Variants in KIAA1671 observed in about 807,000 individuals in gnomAD.
KIAA1671 encodes uncharacterized protein KIAA1671.
In KIAA1671, 52 loss-of-function variants were observed where a neutral mutation model predicts 131.2. The ratio of observed to expected loss-of-function variants is 0.40; its 90% CI spans 0.32 to 0.50. The LOEUF (loss-of-function observed/expected upper bound fraction) is 0.50. Ranked by LOEUF, KIAA1671 falls within the 20% of genes least tolerant of loss-of-function variation. The probability of loss-of-function intolerance (pLI) is 0.73; values close to 1 mark genes in which losing one functional copy is unlikely to be tolerated. For missense variants in KIAA1671, 2,360 were observed against 2,364.2 expected, an observed-to-expected ratio of 1.00 and a Z score of 0.04; for synonymous variants, 1,003 against 961.6, an observed-to-expected ratio of 1.04 and a Z score of -0.80.
chr22:25,024,372 C>G (rs936303303), intron 1 of KIAA1671: 1 of 152,280 alleles, frequency 6.6e-6, no homozygotes, highest in Non-Finnish European at 1.5e-5. Flanking sequence ...GTGGATGTAG[C>G]AGGTGCCTGC....
At chr22:25,071,035 G>A (rs538189659) in intron 6 of KIAA1671, among the ~76,000 whole-genome samples, 6 of 152,178 alleles carry the variant, frequency 3.9e-5, no homozygotes, top group Non-Finnish European at 7.3e-5. Context: ...CTTTGACTTC[G>A]CAACTGGTCT....
rs146974870 is a variant in KIAA1671, at chr22:24,980,756, T to A, written c.-208+27984T>A. Among the ~76,000 whole-genome samples, 570 of 152,140 alleles carry A rather than the reference T, an allele frequency of 3.7e-3. 13 individuals are homozygous for A. Among genetic ancestry groups the A allele is most frequent in the East Asian group, 0.036 (188 of 5,176 alleles). On this transcript the variant is annotated intron_variant, in intron 1 of 12. Coordinates refer to ENST00000358431, the MANE Select transcript of KIAA1671 (RefSeq NM_001145206.2). Reference sequence around the variant, plus strand: ...AACACTTGTTGTTATTATTATTTTTTTTTTTTTGAGATGGAGTCTTGCTCT... The same window carrying A: ...AACACTTGTTGTTATTATTATTTTTATTTTTTTGAGATGGAGTCTTGCTCT...
At chr22:25,147,980 C>A (rs1932916028) in intron 6 of KIAA1671, among the ~76,000 whole-genome samples, 1 of 119,520 alleles carries the variant, frequency 8.4e-6, no homozygotes, top group Admixed American at 7.5e-5. Flanking sequence ...CTCCCTTCCC[C>A]TCCCTCCCTC....
intron 6 of KIAA1671, chr22:25,112,352 C>A: frequency 2.5e-6 from 1 of 399,090 alleles, no homozygotes. Context: ...TTCCTCCTTC[C>A]GACACCTGGC....
At chr22:25,151,827 C>T (rs1013718182) in intron 6 of KIAA1671, among the ~76,000 whole-genome samples, 3 of 151,888 alleles carry the variant, frequency 2.0e-5, no homozygotes, top group African/African-American at 7.3e-5. Context: ...CAGCCTCTGC[C>T]TTTCAGGTTC....
intron 5 of KIAA1671, among the ~76,000 whole-genome samples, chr22:25,041,939 T>C (rs1195482630): frequency 6.6e-6 from 1 of 151,974 alleles, no homozygotes; most frequent in African/African-American, 2.4e-5. Flanking sequence ...AGACAGGGTT[T>C]TGCCATGTTG....
rs182729092 is a variant in KIAA1671 at position 24,967,819 on chromosome 22, T to C, written c.-208+15047T>C. Among the ~76,000 whole-genome samples the C allele has an allele frequency of 8.5e-3, 1,297 of 152,196 alleles. 20 individuals carry two copies. Among genetic ancestry groups the C allele is most frequent in the African/African-American group, 0.022 (901 of 41,566 alleles). On this transcript the variant is annotated intron_variant, in intron 1 of 12. Transcript: ENST00000358431. Reference sequence around the variant, plus strand: ...CATCCTGGCTAACACGGTGAAACCCTGTCTCTACTAAAAAATACAAAAATT... The same window carrying C: ...CATCCTGGCTAACACGGTGAAACCCCGTCTCTACTAAAAAATACAAAAATT...
chr22:24,973,389 GTTTTTTTTTTTTTT>G (rs57519039), intron 1 of KIAA1671, among the ~76,000 whole-genome samples: 2 of 71,648 alleles, frequency 2.8e-5, no homozygotes, highest in African/African-American at 1.1e-4. Context: ...GCATATGATG[GTTTTTTTTTTTTTT>G]TTTTTTTTTT....
intron 10 of KIAA1671, among the ~76,000 whole-genome samples, chr22:25,182,348 C>CTTTT (rs1934322398): frequency 1.3e-5 from 1 of 76,064 alleles, no homozygotes; most frequent in African/African-American, 3.8e-5. Flanking sequence ...TTCCTCCCTC[C>CTTTT]CTTTCTCTTC....
rs758677858 is a variant in KIAA1671, at chr22:25,177,598, A to G, written c.5074+76A>G. On this transcript the variant is annotated intron_variant, in intron 9 of 12. Coordinates refer to ENST00000358431, the MANE Select transcript of KIAA1671 (RefSeq NM_001145206.2). ...GATTTAGACTAAGCCCTATGAAAAA[A>G]TTCCTGACTTGGAAGGCTGTAGATC... The G allele has an allele frequency of 2.2e-6, 3 of 1,335,910 alleles. No individual in the cohort carries two copies. In the African/African-American group the frequency reaches 4.4e-5, roughly 20 times the overall value. The allele number at this position is 1,335,910 out of a possible 1,614,324, so 82.8% of individuals were successfully genotyped here.
At chr22:25,091,082 G>T (rs556963621) in intron 6 of KIAA1671, among the ~76,000 whole-genome samples, 1 of 152,070 alleles carries the variant, frequency 6.6e-6, no homozygotes, top group African/African-American at 2.4e-5. Context: ...TTTTGAGATG[G>T]AGTCTTGCTC....
chr22:25,034,133 C>T lies in KIAA1671; in HGVS notation c.1629+1437C>T, dbSNP rs1038123011. On this transcript the variant is annotated intron_variant, in intron 4 of 12. Transcript: ENST00000358431. ...CGATCTTGGCTCACAGCAACATCCA[C>T]CTCCCAGGTTCAAGTGATTCTCCTG... Among the ~76,000 whole-genome samples, 72 of 151,424 alleles carry T rather than the reference C, an allele frequency of 4.8e-4. 1 individual carries two copies. Among genetic ancestry groups the T allele is most frequent in the Non-Finnish European group, 1.6e-4 (11 of 67,918 alleles).
chr22:24,998,806 C>T (rs1376971472), intron 1 of KIAA1671, among the ~76,000 whole-genome samples: 1 of 149,112 alleles, frequency 6.7e-6, no homozygotes, highest in East Asian at 1.9e-4. Context: ...GGAACCATCA[C>T]AAATGAAACC....
At chr22:25,103,818 A>ACCTCACTGG (rs961122041) in intron 6 of KIAA1671, among the ~76,000 whole-genome samples, 2 of 151,782 alleles carry the variant, frequency 1.3e-5, no homozygotes, top group African/African-American at 4.8e-5. Context: ...GGCTTTTTAA[A>ACCTCACTGG]CCTCACTGGC....
intron 6 of KIAA1671, among the ~76,000 whole-genome samples, chr22:25,130,621 C>T (rs536463438): frequency 1.3e-5 from 2 of 152,360 alleles, no homozygotes; most frequent in South Asian, 4.1e-4. Flanking sequence ...GCGGGGGACA[C>T]TGTCAAAGAC....
chr22:25,052,535 A>G (rs1927592183), intron 6 of KIAA1671: 2 of 152,126 alleles, frequency 1.3e-5, no homozygotes, highest in Non-Finnish European at 2.9e-5. Flanking sequence ...TGAGGCTCAG[A>G]GCCATTAAGT....
chr22:25,146,402 C>T (rs1003079809), intron 6 of KIAA1671, among the ~76,000 whole-genome samples: 36 of 152,236 alleles, frequency 2.4e-4, no homozygotes, highest in African/African-American at 8.2e-4. Flanking sequence ...CAGCACCCTG[C>T]TTTTCCTAGC....
At chr22:25,078,070 A>G (rs1457382226) in intron 6 of KIAA1671, among the ~76,000 whole-genome samples, 1 of 152,200 alleles carries the variant, frequency 6.6e-6, no homozygotes, top group South Asian at 2.1e-4. Context: ...CAGATATGCA[A>G]CAGCTGGCCA....
chr22:25,173,849 T>C (rs1933931352), intron 7 of KIAA1671, among the ~76,000 whole-genome samples: 1 of 150,770 alleles, frequency 6.6e-6, no homozygotes, highest in Admixed American at 6.6e-5. Context: ...GTATTGGAAA[T>C]CCAGTGTGTA....
Sources: gnomAD v4.1 joint callset for allele counts (sites outside exome capture counted in the v4.1 genomes callset) on GRCh38, gnomAD v4.1.1 for gene constraint, MANE v1.5 for transcripts, NCBI Gene and HGNC (gene_info 2026-07-23, HGNC 2026-07-21) for gene names.